TESMIN: variants seen among roughly 807,000 people sequenced by gnomAD.
TESMIN encodes CXC domain containing 2.
In TESMIN, 34 loss-of-function variants were observed where a neutral mutation model predicts 47.4. The observed-to-expected ratio is 0.72, with a 90% CI of 0.55 to 0.96. The LOEUF is 0.96. Among genes scored for constraint, TESMIN ranks in the 40% least tolerant of loss-of-function variants. The pLI is 0.00. For missense variants in TESMIN, 610 were observed against 637.2 expected (o/e 0.96, Z 0.46); for synonymous variants, 278 against 258.9 (o/e 1.07, Z -0.71).
At chr11:68,714,437 T>A (rs773632660) in intron 7 of TESMIN, among the ~76,000 whole-genome samples, 59 of 152,212 alleles carry the variant, frequency 3.9e-4, no homozygotes, top group Non-Finnish European at 7.2e-4. Context: ...CCCCACAGGT[T>A]GCCTTGTGAC....
intron 6 of TESMIN, among the ~76,000 whole-genome samples, chr11:68,734,589 G>A (rs540687937): frequency 6.6e-6 from 1 of 152,286 alleles, no homozygotes; most frequent in East Asian, 1.9e-4. Context: ...GCCCAGTGGG[G>A]GCATGCATCT....
chr11:68,742,471 A>T (rs1946468747), intron 4 of TESMIN, 77 bp from the exon 5 acceptor site: 1 of 903,646 alleles, frequency 1.1e-6, no homozygotes, highest in Non-Finnish European at 1.7e-6. Context: ...AAAGTACAAA[A>T]GTCTGTTATG....
At chr11:68,726,856 T>C (rs543270570) in intron 6 of TESMIN, among the ~76,000 whole-genome samples, 1 of 152,068 alleles carries the variant, frequency 6.6e-6, no homozygotes, top group Admixed American at 6.6e-5. Context: ...GGTGGGAGGA[T>C]TCCTTGAGCT....
chr11:68,714,836 A>G (rs1946117022), intron 7 of TESMIN, among the ~76,000 whole-genome samples: 1 of 152,236 alleles, frequency 6.6e-6, no homozygotes. Context: ...GCTATTGTCA[A>G]ACAGTTTCCC....
chr11:68,726,808 T>G (rs1159035166), intron 6 of TESMIN, among the ~76,000 whole-genome samples: 1 of 152,172 alleles, frequency 6.6e-6, no homozygotes, highest in African/African-American at 2.4e-5. Flanking sequence ...CTGGGTGCAG[T>G]GGCTTACACC....
intron 8 of TESMIN, 122 bp from the exon 9 acceptor site, chr11:68,711,171 G>A: frequency 1.2e-6 from 1 of 824,078 alleles, no homozygotes; most frequent in South Asian, 1.8e-5. Flanking sequence ...GAGTGTGTGT[G>A]TGTCTGTGTG....
chr11:68,713,656 A>G (rs1021018327), intron 7 of TESMIN, among the ~76,000 whole-genome samples: 1 of 152,154 alleles, frequency 6.6e-6, no homozygotes, highest in Non-Finnish European at 1.5e-5. Context: ...TATTTACTGT[A>G]AAAAAATAAT....
In TESMIN at chr11:68,710,975, TG is replaced by T. The variant is rs747553287; in HGVS notation, c.1232del (p.Thr411AsnfsTer2). 6.2e-7 allele frequency: 1 copy of T among 1,614,062 alleles called. No individual in the cohort carries two copies. Among genetic ancestry groups the T allele is most frequent in the Non-Finnish European group, 8.5e-7 (1 of 1,179,930 alleles). ...KNYEESPERK[T>X]LMSMPNYMQT... Reference sequence around the variant, plus strand: ...GCATGTAGTTTGGCATGCTCATTAGTGTCTTTCGTTCTGGGCTTTCTTCATA... The same window carrying T: ...GCATGTAGTTTGGCATGCTCATTAGTTCTTTCGTTCTGGGCTTTCTTCATA... On this transcript the variant is annotated frameshift_variant, in exon 9 of 10. Coordinates refer to ENST00000255087, the MANE Select transcript of TESMIN (RefSeq NM_004923.3). LOFTEE classifies it high-confidence loss of function.
At chr11:68,716,226 C>T (rs1396623711) in intron 6 of TESMIN, among the ~76,000 whole-genome samples, 2 of 152,172 alleles carry the variant, frequency 1.3e-5, no homozygotes, top group African/African-American at 2.4e-5. Flanking sequence ...TCAATCAATC[C>T]TCCCTGGCCC....
At chr11:68,720,485 C>T (rs1234575163) in intron 6 of TESMIN, among the ~76,000 whole-genome samples, 2 of 152,202 alleles carry the variant, frequency 1.3e-5, no homozygotes, top group African/African-American at 4.8e-5. Flanking sequence ...AAACCCAGGG[C>T]TCTCTTCACT....
chr11:68,738,567 T>C, intron 6 of TESMIN, 133 bp downstream of exon 6: 14 of 1,466,396 alleles, frequency 9.5e-6, no homozygotes, highest in Non-Finnish European at 1.2e-5. Context: ...TTGCTGATGG[T>C]AAAAACATTT....
intron 6 of TESMIN, among the ~76,000 whole-genome samples, chr11:68,732,176 G>T (rs987503692): frequency 6.6e-6 from 1 of 152,164 alleles, no homozygotes; most frequent in African/African-American, 2.4e-5. Flanking sequence ...GTGCTCTGTC[G>T]CCTGCCAGCA....
intron 5 of TESMIN, among the ~76,000 whole-genome samples, chr11:68,740,404 A>G (rs1594299940): frequency 1.3e-5 from 2 of 152,188 alleles, no homozygotes; most frequent in South Asian, 4.1e-4. Context: ...AATGGGGACG[A>G]TAATAAACAG....
intron 6 of TESMIN, among the ~76,000 whole-genome samples, chr11:68,725,131 G>A (rs554044439): frequency 4.6e-5 from 7 of 152,310 alleles, no homozygotes; most frequent in African/African-American, 1.7e-4. Flanking sequence ...CATGTCTGGA[G>A]CGGGATTGAG....
chr11:68,745,212 A>T (rs1405071671), intron 3 of TESMIN, 101 bp from the exon 4 acceptor site: 1 of 1,144,868 alleles, frequency 8.7e-7, no homozygotes, highest in East Asian at 2.7e-5. Context: ...TTAATCCAGA[A>T]GTTACATTTT....
chr11:68,728,464 G>A (rs1267240995), intron 6 of TESMIN, among the ~76,000 whole-genome samples: 1 of 152,196 alleles, frequency 6.6e-6, no homozygotes, highest in African/African-American at 2.4e-5. Flanking sequence ...TCTCCATAAC[G>A]GAAAAGTACA....
chr11:68,740,797 T>A (rs1946446835), intron 5 of TESMIN, among the ~76,000 whole-genome samples: 1 of 152,156 alleles, frequency 6.6e-6, no homozygotes, highest in Non-Finnish European at 1.5e-5. Flanking sequence ...ATCTATACAC[T>A]AGGACTCCCA....
In TESMIN at chr11:68,708,411, C is replaced by T. The variant is rs758534511; in HGVS notation, c.1424G>A (p.Cys475Tyr). Residue 475 changes from cysteine (C) to tyrosine (Y), a missense_variant, in exon 10 of 10, where the codon TGC becomes TAC. Transcript: ENST00000255087. ...CATCTGCTCTGCCAGGCACTTGGAG[C>T]AGTGTTCTTTCTCGGCCTCTTCTCC... is the stretch of plus-strand genomic sequence containing the variant. ...AQGEEAEKEH[C>Y]SKCLAEQMIL... The T allele has an allele frequency of 6.2e-7, 1 of 1,614,200 alleles. No homozygotes were observed. The highest frequency in any genetic ancestry group is 1.1e-5 in the South Asian group (1 of 91,086).
intron 9 of TESMIN, among the ~76,000 whole-genome samples, chr11:68,708,868 T>C (rs1331891863): frequency 1.3e-5 from 2 of 151,738 alleles, no homozygotes; most frequent in Non-Finnish European, 2.9e-5. Flanking sequence ...TTCTCCTGCC[T>C]CAGCCTCCTG....
Sources: gnomAD v4.1 joint callset for allele counts (sites outside exome capture counted in the v4.1 genomes callset) on GRCh38, gnomAD v4.1.1 for gene constraint, MANE v1.5 for transcripts, NCBI Gene and HGNC (gene_info 2026-07-23, HGNC 2026-07-21) for gene names.